The following CLMP variants were observed in gnomAD, a reference collection of about 807,000 sequenced individuals.
CLMP encodes CXADR like cell adhesion molecule, also known as CXADR-like membrane protein.
A neutral mutation model predicts 45.2 loss-of-function variants in CLMP; 27 were observed. The ratio of observed to expected loss-of-function variants is 0.60; its 90% CI spans 0.44 to 0.82. The LOEUF is 0.82. CLMP is among the 40% of genes least tolerant of loss of function. The pLI is 0.00. For synonymous variants in CLMP, 167 were observed against 171.4 expected (o/e 0.97, Z 0.20); for missense variants, 403 against 448.4 (o/e 0.90, Z 0.91).
chr11:123,130,841 C>CTTT (rs11322192), intron 1 of CLMP, among the ~76,000 whole-genome samples: 20 of 126,290 alleles, frequency 1.6e-4, no homozygotes, highest in African/African-American at 2.2e-4. Flanking sequence ...TTTTCTTTTC[C>CTTT]TTTTTTTTTT....
chr11:123,108,822 G>A (rs761466261), intron 1 of CLMP, among the ~76,000 whole-genome samples: 3 of 152,118 alleles, frequency 2.0e-5, no homozygotes, highest in Non-Finnish European at 4.4e-5. Flanking sequence ...GGGAGGCTGA[G>A]GCGGGCGGAT....
In CLMP at chr11:123,184,664, C is replaced by T. The variant is rs568105999; in HGVS notation, c.28+10249G>A. Among the ~76,000 whole-genome samples the T allele has an allele frequency of 1.6e-4, 24 of 152,332 alleles. No individual in the cohort carries two copies. In the South Asian group the frequency reaches 5.0e-3, roughly 32 times the overall value. ...AAGGGCCAGAGAAGGAGTCAGTCAA[C>T]ATTGCTGGGAGGGCTTTGACCACTA... On this transcript the variant is annotated intron_variant, in intron 1 of 6. Transcript: ENST00000448775.
At chr11:123,184,581 C>T (rs191818108) in intron 1 of CLMP, among the ~76,000 whole-genome samples, 182 of 152,266 alleles carry the variant, frequency 1.2e-3, no homozygotes, top group Admixed American at 1.9e-3. Flanking sequence ...ACGGAAGGAG[C>T]TCCTGAATTG....
chr11:123,163,497 G>A (rs1237009413), intron 1 of CLMP, among the ~76,000 whole-genome samples: 1 of 152,178 alleles, frequency 6.6e-6, no homozygotes, highest in Non-Finnish European at 1.5e-5. Flanking sequence ...GAGACACTAT[G>A]GAGCTGTAAT....
intron 1 of CLMP, among the ~76,000 whole-genome samples, chr11:123,132,270 C>G (rs1315575470): frequency 6.6e-6 from 1 of 152,128 alleles, no homozygotes; most frequent in African/African-American, 2.4e-5. Context: ...TGGGCAGCTG[C>G]CCTATTAAGG....
chr11:123,150,464 AAAGAAAGAAAGAAAGAAAGG>A (rs1861302780), intron 1 of CLMP, among the ~76,000 whole-genome samples: 18 of 102,574 alleles, frequency 1.8e-4, no homozygotes, highest in Middle Eastern at 4.5e-3. Flanking sequence ...AGAAAGAAAG[AAAGAAAGAAAGAAAGAAAGG>A]AAGGAAGGAA....
chr11:123,106,951 C>T (rs1012760862), intron 1 of CLMP, among the ~76,000 whole-genome samples: 8 of 150,064 alleles, frequency 5.3e-5, no homozygotes, highest in Admixed American at 3.3e-4. Context: ...ACCCGGGAGG[C>T]GGAGCTTGCA....
At chr11:123,083,346 A>G in intron 4 of CLMP, 139 bp from the exon 5 acceptor site, 2 of 923,636 alleles carry the variant, frequency 2.2e-6, no homozygotes, top group Non-Finnish European at 3.2e-6. Flanking sequence ...ATCCTTTGGG[A>G]ACATGAGAAG....
At chr11:123,159,215 C>T (rs1861452986) in intron 1 of CLMP, among the ~76,000 whole-genome samples, 2 of 152,194 alleles carry the variant, frequency 1.3e-5, no homozygotes, top group Non-Finnish European at 2.9e-5. Flanking sequence ...CAGTCTCTCC[C>T]GGAAATAGTT....
intron 1 of CLMP, among the ~76,000 whole-genome samples, chr11:123,106,963 T>G (rs1860568498): frequency 1.3e-5 from 2 of 149,054 alleles, no homozygotes. Flanking sequence ...GAGCTTGCAG[T>G]GAGCCGGATT....
chr11:123,142,867 C>T (rs1861184008), intron 1 of CLMP, among the ~76,000 whole-genome samples: 3 of 150,892 alleles, frequency 2.0e-5, no homozygotes, highest in South Asian at 2.1e-4. Flanking sequence ...ACCTCATGAT[C>T]CACCCACCTC....
At chr11:123,168,604 A>C (rs1286548773) in intron 1 of CLMP, among the ~76,000 whole-genome samples, 6 of 151,960 alleles carry the variant, frequency 3.9e-5, no homozygotes, top group Admixed American at 6.6e-5. Context: ...AATAGTCAGA[A>C]CCCTCCAAAA....
chr11:123,115,977 G>A (rs574841234), intron 1 of CLMP, among the ~76,000 whole-genome samples: 1 of 152,078 alleles, frequency 6.6e-6, no homozygotes, highest in South Asian at 2.1e-4. Flanking sequence ...GCTCGCATGA[G>A]GTGGAGGGAG....
chr11:123,136,468 C>G (rs117113806), intron 1 of CLMP: 1 of 373,674 alleles, frequency 2.7e-6, no homozygotes, highest in Middle Eastern at 8.1e-4. Context: ...CTCTCCCTGG[C>G]GCTTTAAGGG....
chr11:123,130,993 C>G (rs1015250885), intron 1 of CLMP, among the ~76,000 whole-genome samples: 2 of 151,968 alleles, frequency 1.3e-5, no homozygotes, highest in African/African-American at 4.8e-5. Context: ...CAGGTGTGCA[C>G]CACCATGCCT....
At chr11:123,112,338 C>CTTT (rs544128953) in intron 1 of CLMP, among the ~76,000 whole-genome samples, 3 of 137,558 alleles carry the variant, frequency 2.2e-5, no homozygotes, top group Middle Eastern at 3.8e-3. Flanking sequence ...TTTTCTTTTT[C>CTTT]TTTTTTTTTT....
intron 5 of CLMP, among the ~76,000 whole-genome samples, chr11:123,080,321 G>A (rs1865789971): frequency 6.9e-6 from 1 of 144,622 alleles, no homozygotes; most frequent in East Asian, 2.0e-4. Context: ...GAGAATGAAG[G>A]TGTACTTTTT....
intron 1 of CLMP, among the ~76,000 whole-genome samples, chr11:123,142,728 G>A (rs1379029004): frequency 5.2e-5 from 7 of 134,136 alleles, no homozygotes; most frequent in Non-Finnish European, 7.7e-5. Flanking sequence ...CCGGGTTCAC[G>A]CCATTCTCCT....
At chr11:123,139,777 C>T (rs931865537) in intron 1 of CLMP, among the ~76,000 whole-genome samples, 4 of 151,840 alleles carry the variant, frequency 2.6e-5, no homozygotes, top group African/African-American at 7.3e-5. Flanking sequence ...GATTGCGCTA[C>T]TGCACTCCAG....
Sources: allele counts gnomAD v4.1 joint callset (sites outside exome capture counted in the v4.1 genomes callset), GRCh38; gene constraint gnomAD v4.1.1; transcripts MANE v1.5; gene names NCBI Gene and HGNC (gene_info 2026-07-23, HGNC 2026-07-21).